Variants in DGKB observed in about 807,000 individuals in gnomAD.
The protein encoded by DGKB is diacylglycerol kinase beta.
In DGKB, 67 loss-of-function variants were observed where a neutral mutation model predicts 114.3. The observed-to-expected ratio is 0.59, with a 90% CI of 0.48 to 0.72. The LOEUF is 0.72. Among genes scored for constraint, DGKB ranks in the 30% least tolerant of loss-of-function variants. The pLI, the probability that DGKB is intolerant of heterozygous loss-of-function variation, is 0.00. For synonymous variants in DGKB, 398 were observed against 323.1 expected, an observed-to-expected ratio of 1.23 and a Z score of -2.49; for missense variants, 907 against 975.2, an observed-to-expected ratio of 0.93 and a Z score of 0.93.
intron 2 of DGKB, among the ~76,000 whole-genome samples, chr7:14,789,372 T>C (rs111535509): frequency 2.0e-5 from 3 of 152,282 alleles, no homozygotes; most frequent in African/African-American, 7.2e-5. Context: ...TCTATAATTG[T>C]GTCTTTTCAA....
chr7:14,535,567 C>G (rs1792332595), intron 20 of DGKB, among the ~76,000 whole-genome samples: 1 of 151,840 alleles, frequency 6.6e-6, no homozygotes, highest in South Asian at 2.1e-4. Context: ...ATCAACAAAA[C>G]TAAGAGTTGC....
At position 14,756,623 on chromosome 7, in the gene DGKB, GA is replaced by G. The variant is rs560419522; in HGVS notation, c.147+1031del. On this transcript the variant is annotated intron_variant, in intron 3 of 25. Coordinates refer to ENST00000402815, the MANE Select transcript of DGKB (RefSeq NM_001350709.2). ...AAAATAGCTAACTACGAGAAATACTGATAGGAAATTTCAAAACAATTTGAAT... is the reference window on the plus strand; with the variant it reads ...AAAATAGCTAACTACGAGAAATACTGTAGGAAATTTCAAAACAATTTGAAT... 5.9e-5 allele frequency among the ~76,000 whole-genome samples: 9 copies of G among 151,872 alleles called. No individual in the cohort carries two copies. The South Asian group carries it at 1.2e-3, about 21-fold the overall frequency.
At chr7:14,837,108 CAT>C (rs1847268711) in intron 2 of DGKB, among the ~76,000 whole-genome samples, 1 of 152,140 alleles carries the variant, frequency 6.6e-6, no homozygotes, top group Non-Finnish European at 1.5e-5. Context: ...TAGCACTGGA[CAT>C]ATTTTTTTCC....
At chr7:14,629,749 C>G (rs2128841094) in intron 14 of DGKB, among the ~76,000 whole-genome samples, 1 of 152,144 alleles carries the variant, frequency 6.6e-6, no homozygotes, top group South Asian at 2.1e-4. Flanking sequence ...TGATGTTTCT[C>G]TATACAATGG....
chr7:14,849,605 A>G (rs1218343177), intron 1 of DGKB, among the ~76,000 whole-genome samples: 1 of 152,198 alleles, frequency 6.6e-6, no homozygotes, highest in Non-Finnish European at 1.5e-5. Flanking sequence ...TAATTCTGTT[A>G]AGAGCAGCAC....
At chr7:14,656,205 C>A (rs889165756) in intron 13 of DGKB, among the ~76,000 whole-genome samples, 22 of 151,476 alleles carry the variant, frequency 1.5e-4, no homozygotes, top group Admixed American at 2.6e-4. Context: ...ATGCAAAAAA[C>A]CAACCAAAAT....
rs148438568 is a variant in DGKB at position 14,752,801 on chromosome 7, A to C, written c.168+1127T>G. On this transcript the variant is annotated intron_variant, in intron 4 of 25. Coordinates refer to ENST00000402815, the MANE Select transcript of DGKB (RefSeq NM_001350709.2). ...GTGTGTTTGTTGGGTGCTCAACAAA[A>C]GTCATTTAATAGCCGAGTCCTGAAA... Among the ~76,000 whole-genome samples the C allele has an allele frequency of 8.3e-3, 1,265 of 152,294 alleles. 12 individuals are homozygous for C. The highest frequency in any genetic ancestry group is 0.028 in the African/African-American group (1,173 of 41,550).
At chr7:14,634,243 A>G (rs10254283) in intron 13 of DGKB, among the ~76,000 whole-genome samples, 39,364 of 151,156 alleles carry the variant, frequency 0.26, 6,071 homozygotes, top group East Asian at 0.59. Context: ...CTTTCAGGTT[A>G]GGAAGCTGAA....
intron 9 of DGKB, among the ~76,000 whole-genome samples, chr7:14,688,628 G>A (rs1316375506): frequency 6.6e-6 from 1 of 152,122 alleles, no homozygotes; most frequent in Non-Finnish European, 1.5e-5. Flanking sequence ...TTGTAATGAA[G>A]CTGTTCAGGT....
intron 23 of DGKB, among the ~76,000 whole-genome samples, chr7:14,184,425 G>A (rs111575443): frequency 6.6e-6 from 1 of 152,082 alleles, no homozygotes; most frequent in South Asian, 2.1e-4. Flanking sequence ...ACTAACTCGG[G>A]TCTGTTCGTG....
At chr7:14,962,625 T>C (rs1010971494) in intron 1 of DGKB, among the ~76,000 whole-genome samples, 1 of 144,200 alleles carries the variant, frequency 6.9e-6, no homozygotes, top group East Asian at 2.0e-4. Flanking sequence ...TAGCTGTGTG[T>C]GTGTGTGTGT....
intron 21 of DGKB, among the ~76,000 whole-genome samples, chr7:14,415,232 T>C (rs1221137637): frequency 6.6e-6 from 1 of 152,054 alleles, no homozygotes; most frequent in African/African-American, 2.4e-5. Context: ...ATGATTAACA[T>C]TGAGTCAAAT....
At chr7:14,845,525 C>T (rs1848520147) in intron 1 of DGKB, among the ~76,000 whole-genome samples, 1 of 152,132 alleles carries the variant, frequency 6.6e-6, no homozygotes, top group African/African-American at 2.4e-5. Context: ...CATCACCATC[C>T]TGCGCTACAC....
intron 1 of DGKB, among the ~76,000 whole-genome samples, chr7:14,859,432 T>A (rs1850657443): frequency 6.6e-6 from 1 of 151,818 alleles, no homozygotes; most frequent in Non-Finnish European, 1.5e-5. Flanking sequence ...TATAGGTGAG[T>A]CAGAAAGAAG....
At chr7:14,723,229 A>G (rs1585987212) in intron 5 of DGKB, among the ~76,000 whole-genome samples, 1 of 152,282 alleles carries the variant, frequency 6.6e-6, no homozygotes, top group South Asian at 2.1e-4. Flanking sequence ...TGAGATGGTA[A>G]AATGATAACA....
intron 21 of DGKB, among the ~76,000 whole-genome samples, chr7:14,403,640 A>G (rs1823482022): frequency 6.6e-6 from 1 of 152,000 alleles, no homozygotes; most frequent in African/African-American, 2.4e-5. Flanking sequence ...AACCCTAATT[A>G]GTGTCCCATT....
intron 21 of DGKB, among the ~76,000 whole-genome samples, chr7:14,369,558 T>A (rs1484541381): frequency 6.6e-6 from 1 of 152,212 alleles, no homozygotes; most frequent in Non-Finnish European, 1.5e-5. Flanking sequence ...GTGTTCCTAT[T>A]TCTCCACATC....
In DGKB at chr7:14,819,377, G is replaced by A. The variant is rs910434111; in HGVS notation, c.70+21817C>T. ...AGAGGCGGGTGAACGCTTGAGCCCA[G>A]AAGTTCAAGACCAGCCTGGGCAACA... is the stretch of plus-strand genomic sequence containing the variant. On this transcript the variant is annotated intron_variant, in intron 2 of 25. Transcript: ENST00000402815. Among the ~76,000 whole-genome samples, 7 of 152,196 alleles carry A rather than the reference G, an allele frequency of 4.6e-5. No individual in the cohort carries two copies. The East Asian group carries it at 1.2e-3, about 25-fold the overall frequency.
At chr7:14,954,687 ATTAC>A (rs1230614659) in intron 1 of DGKB, among the ~76,000 whole-genome samples, 2 of 152,076 alleles carry the variant, frequency 1.3e-5, no homozygotes, top group Non-Finnish European at 2.9e-5. Context: ...AGAACAAATA[ATTAC>A]TTATGTGTTG....
Sources: gnomAD v4.1 joint callset for allele counts (sites outside exome capture counted in the v4.1 genomes callset) on GRCh38, gnomAD v4.1.1 for gene constraint, MANE v1.5 for transcripts, NCBI Gene and HGNC (gene_info 2026-07-23, HGNC 2026-07-21) for gene names.